The following RFPL1 variants were observed in gnomAD, a reference collection of about 807,000 sequenced individuals.
The protein encoded by RFPL1 is ret finger protein-like 1.
RFPL1 carries 6 observed loss-of-function variants against 9.6 expected under a neutral mutation model. That is an observed-to-expected ratio of 0.62 (90% confidence interval 0.34 to 1.23). The LOEUF (loss-of-function observed/expected upper bound fraction) is 1.23. RFPL1 is among the 50% of genes most tolerant of loss of function. The pLI is 0.03. For missense variants in RFPL1, 352 were observed against 398.4 expected, an observed-to-expected ratio of 0.88 and a Z score of 0.99; for synonymous variants, 145 against 149.4, an observed-to-expected ratio of 0.97 and a Z score of 0.22.
chr22:29,399,832 C>A, the RFPL1 span, among the ~76,000 whole-genome samples: 1 of 151,998 alleles, frequency 6.6e-6, no homozygotes, highest in East Asian at 1.9e-4. Context: ...GTTGCTTTTT[C>A]TTTTAACTCT....
At chr22:29,422,905 T>C in the RFPL1 span, among the ~76,000 whole-genome samples, 1 of 152,186 alleles carries the variant, frequency 6.6e-6, no homozygotes, top group Non-Finnish European at 1.5e-5. Context: ...ATTTTAGCAC[T>C]TGGAGCTAAT....
At chr22:29,436,105 T>A (rs1275101024), upstream of RFPL1, among the ~76,000 whole-genome samples, 1 of 149,686 alleles carries the variant, frequency 6.7e-6, no homozygotes, top group Admixed American at 6.7e-5. Flanking sequence ...TATACCTAGA[T>A]GGGAGAAATG....
the RFPL1 span, among the ~76,000 whole-genome samples, chr22:29,429,151 C>T: frequency 6.6e-6 from 1 of 152,114 alleles, no homozygotes; most frequent in African/African-American, 2.4e-5. Flanking sequence ...GGACTCCAGG[C>T]TCAAGCAATC....
chr22:29,425,524 C>T, the RFPL1 span, among the ~76,000 whole-genome samples: 1 of 152,166 alleles, frequency 6.6e-6, no homozygotes, highest in Admixed American at 6.5e-5. Flanking sequence ...GGCCTAAAAA[C>T]ACAGCCACCG....
chr22:29,392,009 C>T, the RFPL1 span, among the ~76,000 whole-genome samples: 2 of 152,190 alleles, frequency 1.3e-5, no homozygotes, highest in African/African-American at 4.8e-5. Context: ...GAGTCCAGAG[C>T]TAAAACTGAA....
chr22:29,412,006 G>A, the RFPL1 span, among the ~76,000 whole-genome samples: 1 of 152,168 alleles, frequency 6.6e-6, no homozygotes, highest in Non-Finnish European at 1.5e-5. Flanking sequence ...TGTCTGCCGA[G>A]AGTATGGTGT....
chr22:29,416,553 T>G, the RFPL1 span, among the ~76,000 whole-genome samples: 2 of 152,046 alleles, frequency 1.3e-5, no homozygotes, highest in Non-Finnish European at 2.9e-5. Context: ...AGATGCTGAG[T>G]AAATGAAAAT....
chr22:29,424,064 C>T, the RFPL1 span, among the ~76,000 whole-genome samples: 1 of 152,016 alleles, frequency 6.6e-6, no homozygotes, highest in South Asian at 2.1e-4. Flanking sequence ...CCTGTAATCC[C>T]AGTTACTCAG....
the RFPL1 span, among the ~76,000 whole-genome samples, chr22:29,426,411 A>G: frequency 6.6e-6 from 1 of 152,052 alleles, no homozygotes; most frequent in Non-Finnish European, 1.5e-5. Context: ...GAATATATAG[A>G]CTAATAGATA....
chr22:29,419,169 C>T, the RFPL1 span: 40 of 1,609,286 alleles, frequency 2.5e-5, no homozygotes, highest in Middle Eastern at 1.6e-4. Flanking sequence ...CATCTTTGCC[C>T]ACGGTCATCG....
the RFPL1 span, chr22:29,388,368 CCCT>C: frequency 2.0e-5 from 3 of 152,654 alleles, no homozygotes; most frequent in African/African-American, 7.2e-5. Context: ...CACCTAGGAC[CCCT>C]GACCCCTCGC....
the RFPL1 span, among the ~76,000 whole-genome samples, chr22:29,413,936 T>C: frequency 1.3e-5 from 2 of 152,242 alleles, no homozygotes; most frequent in Non-Finnish European, 2.9e-5. Flanking sequence ...ATTCATATTC[T>C]TATGCTTCCT....
chr22:29,441,523 C>CT lies in RFPL1; in HGVS notation c.374-12dup, dbSNP rs776282061. The CT allele has an allele frequency of 1.9e-6, 3 of 1,601,530 alleles. No homozygotes were observed. Among genetic ancestry groups the CT allele is most frequent in the East Asian group, 4.5e-5 (2 of 44,640 alleles). Reference sequence around the variant, plus strand: ...TGGCTTCTGTCCATTTTCTGATCAACTTTTTTTCCTTTTCACAGTGGATAT... The same window carrying CT: ...TGGCTTCTGTCCATTTTCTGATCAACTTTTTTTTCCTTTTCACAGTGGATAT... On this transcript the variant is annotated intron_variant, in intron 1 of 1. Coordinates refer to ENST00000354373, the Ensembl canonical transcript of RFPL1.
chr22:29,389,483 G>A, the RFPL1 span, among the ~76,000 whole-genome samples: 1 of 151,446 alleles, frequency 6.6e-6, no homozygotes, highest in Non-Finnish European at 1.5e-5. Context: ...CCAGGAGATC[G>A]AGACCATCCT....
the RFPL1 span, among the ~76,000 whole-genome samples, chr22:29,418,131 A>T: frequency 6.6e-6 from 1 of 152,030 alleles, no homozygotes; most frequent in Admixed American, 6.6e-5. Flanking sequence ...GGGTTTCACC[A>T]TCTTGGCCAG....
At chr22:29,430,035 T>G in the RFPL1 span, among the ~76,000 whole-genome samples, 1 of 138,756 alleles carries the variant, frequency 7.2e-6, no homozygotes, top group South Asian at 2.1e-4. Flanking sequence ...GCACGTTGGA[T>G]GTATCAGTAT....
chr22:29,432,191 G>C, the RFPL1 span, among the ~76,000 whole-genome samples: 76 of 152,224 alleles, frequency 5.0e-4, no homozygotes, highest in African/African-American at 1.8e-3. Flanking sequence ...CTCCCTCAAG[G>C]ACTTAACTTG....
At chr22:29,392,378 CTTTTTTTTTTTTTT>C in the RFPL1 span, among the ~76,000 whole-genome samples, 4,899 of 46,434 alleles carry the variant, frequency 0.11, 532 homozygotes, top group African/African-American at 0.34. Flanking sequence ...CCACACCTGG[CTTTTTTTTTTTTTT>C]TTTTTTTTTT....
At chr22:29,392,424 C>T in the RFPL1 span, among the ~76,000 whole-genome samples, 1 of 121,254 alleles carries the variant, frequency 8.2e-6, no homozygotes, top group African/African-American at 3.2e-5. Context: ...GACAGAGTCT[C>T]CGTCACTCAG....
Sources: gnomAD v4.1 joint callset for allele counts (sites outside exome capture counted in the v4.1 genomes callset) on GRCh38, gnomAD v4.1.1 for gene constraint, MANE v1.5 for transcripts, NCBI Gene and HGNC (gene_info 2026-07-23, HGNC 2026-07-21) for gene names.